Variants in EPM2A observed in about 807,000 individuals in gnomAD.
EPM2A encodes the protein EPM2A glucan phosphatase, laforin.
In EPM2A, 21 loss-of-function variants were observed where a neutral mutation model predicts 26.5. That is an observed-to-expected ratio of 0.79 (90% CI 0.56 to 1.14). EPM2A has a LOEUF of 1.14. EPM2A is among the 50% of genes most tolerant of loss of function. EPM2A has a pLI of 0.00. For synonymous variants in EPM2A, 217 were observed against 177.6 expected (o/e 1.22, Z -1.76); for missense variants, 458 against 440.8 (o/e 1.04, Z -0.35).
intron 2 of EPM2A, among the ~76,000 whole-genome samples, chr6:145,509,189 T>A (rs992110503): frequency 2.6e-5 from 4 of 152,278 alleles, no homozygotes; most frequent in African/African-American, 9.6e-5. Context: ...CAGGAAAATG[T>A]CTCTAATCTG....
At chr6:145,536,378 C>T (rs1457295147) in intron 2 of EPM2A, among the ~76,000 whole-genome samples, 2 of 152,128 alleles carry the variant, frequency 1.3e-5, no homozygotes, top group Admixed American at 1.3e-4. Flanking sequence ...TAACTGCAAC[C>T]TCCAGCTCCC....
At chr6:145,717,494 T>C (rs1236437424) in intron 1 of EPM2A, among the ~76,000 whole-genome samples, 1 of 152,156 alleles carries the variant, frequency 6.6e-6, no homozygotes, top group Non-Finnish European at 1.5e-5. Context: ...ATCTATGACA[T>C]ACCCACAGCT....
intron 1 of EPM2A, among the ~76,000 whole-genome samples, chr6:145,717,520 G>A (rs1282608272): frequency 2.0e-5 from 3 of 152,132 alleles, no homozygotes; most frequent in African/African-American, 7.2e-5. Context: ...CATACTGAAT[G>A]GGCAAAAACT....
intron 2 of EPM2A, among the ~76,000 whole-genome samples, chr6:145,599,935 G>A (rs1172273478): frequency 6.6e-6 from 1 of 151,776 alleles, no homozygotes; most frequent in East Asian, 1.9e-4. Context: ...ATATTTCTTT[G>A]GCAGATTAAT....
At chr6:145,412,293 C>T (rs1334156770) in intron 4 of EPM2A, among the ~76,000 whole-genome samples, 1 of 150,248 alleles carries the variant, frequency 6.7e-6, no homozygotes, top group African/African-American at 2.5e-5. Context: ...ATAGAATAAA[C>T]ATAATTTTAA....
intron 4 of EPM2A, among the ~76,000 whole-genome samples, chr6:145,472,571 T>G (rs961784838): frequency 6.6e-6 from 1 of 151,930 alleles, no homozygotes; most frequent in African/African-American, 2.4e-5. Context: ...GCAGTATTCA[T>G]GACAAGCTAA....
chr6:145,442,262 T>C (rs1779073778), intron 4 of EPM2A, among the ~76,000 whole-genome samples: 1 of 152,220 alleles, frequency 6.6e-6, no homozygotes, highest in Non-Finnish European at 1.5e-5. Flanking sequence ...GCAAAGTTGC[T>C]TCTATATCTT....
At chr6:145,619,504 A>T (rs1775585268) in intron 2 of EPM2A, among the ~76,000 whole-genome samples, 1 of 152,232 alleles carries the variant, frequency 6.6e-6, no homozygotes, top group Non-Finnish European at 1.5e-5. Flanking sequence ...GTGACTCAGA[A>T]TACCTTATGA....
At chr6:145,594,868 A>G (rs1428493030) in intron 2 of EPM2A, among the ~76,000 whole-genome samples, 1 of 151,890 alleles carries the variant, frequency 6.6e-6, no homozygotes, top group African/African-American at 2.4e-5. Context: ...GGTTTTTTTA[A>G]TGGTTTACAT....
intron 4 of EPM2A, among the ~76,000 whole-genome samples, chr6:145,479,698 A>G (rs1779589485): frequency 6.6e-6 from 1 of 152,018 alleles, no homozygotes; most frequent in East Asian, 1.9e-4. Context: ...GGCTATTGTA[A>G]ATAATGTTGC....
At chr6:145,695,494 T>G (rs966112619) in intron 1 of EPM2A, among the ~76,000 whole-genome samples, 23 of 151,928 alleles carry the variant, frequency 1.5e-4, no homozygotes, top group Admixed American at 1.4e-3. Flanking sequence ...TCAAAAGATA[T>G]AAAGTGACTG....
chr6:145,531,823 C>T (rs1562371980), intron 2 of EPM2A, among the ~76,000 whole-genome samples: 1 of 152,210 alleles, frequency 6.6e-6, no homozygotes, highest in African/African-American at 2.4e-5. Flanking sequence ...CCATTCACTC[C>T]AGATAATTTA....
intron 4 of EPM2A, among the ~76,000 whole-genome samples, chr6:145,494,065 C>A (rs1051383011): frequency 5.3e-5 from 8 of 152,292 alleles, no homozygotes; most frequent in Admixed American, 2.6e-4. Flanking sequence ...ATGGTTCCAG[C>A]TATTCTGTGT....
At chr6:145,478,232 C>A in intron 4 of EPM2A, among the ~76,000 whole-genome samples, 1 of 151,678 alleles carries the variant, frequency 6.6e-6, no homozygotes, top group Non-Finnish European at 1.5e-5. Context: ...AGTGAATGAT[C>A]TCTATAATAA....
At chr6:145,401,763 A>G (rs1446476309) in intron 4 of EPM2A, among the ~76,000 whole-genome samples, 3 of 152,164 alleles carry the variant, frequency 2.0e-5, no homozygotes, top group Non-Finnish European at 4.4e-5. Context: ...ACAGAAGGTA[A>G]GGCAGGGCTT....
intron 1 of EPM2A, among the ~76,000 whole-genome samples, chr6:145,724,136 C>T (rs1224387808): frequency 6.6e-6 from 1 of 151,992 alleles, no homozygotes; most frequent in African/African-American, 2.4e-5. Flanking sequence ...CCTTTGTAAA[C>T]CTTCAAGAGG....
chr6:145,523,075 C>T (rs1223550034), intron 2 of EPM2A, among the ~76,000 whole-genome samples: 1 of 152,166 alleles, frequency 6.6e-6, no homozygotes, highest in Non-Finnish European at 1.5e-5. Flanking sequence ...CATTTTCATA[C>T]TGTAAATTTT....
intron 4 of EPM2A, among the ~76,000 whole-genome samples, chr6:145,437,674 C>G (rs1365648284): frequency 6.6e-6 from 1 of 152,138 alleles, no homozygotes; most frequent in Admixed American, 6.5e-5. Context: ...AAACATTAAA[C>G]CACCACCATC....
At chr6:145,733,300 T>C (rs985240880) in intron 1 of EPM2A, among the ~76,000 whole-genome samples, 2 of 107,174 alleles carry the variant, frequency 1.9e-5, no homozygotes, top group African/African-American at 6.1e-5. Flanking sequence ...AAACTGAAAA[T>C]AATAGTAAAA....
Sources: allele counts gnomAD v4.1 joint callset (sites outside exome capture counted in the v4.1 genomes callset), GRCh38; gene constraint gnomAD v4.1.1; transcripts MANE v1.5; gene names NCBI Gene and HGNC (gene_info 2026-07-23, HGNC 2026-07-21).